NR2C2: variants seen among roughly 807,000 people sequenced by gnomAD.
NR2C2 encodes nuclear receptor subfamily 2 group C member 2.
In NR2C2, 6 loss-of-function variants were observed where a neutral mutation model predicts 62.9. That is an observed-to-expected ratio of 0.10 (90% confidence interval 0.05 to 0.19). NR2C2 has a LOEUF of 0.19. Ranked by LOEUF, NR2C2 falls within the 10% of genes least tolerant of loss-of-function variation. NR2C2 has a pLI of 1.00. For synonymous variants in NR2C2, 272 were observed against 273.8 expected (o/e 0.99, Z 0.07); for missense variants, 479 against 762.7 (o/e 0.63, Z 4.38).
chr3:15,021,002 G>C, intron 5 of NR2C2, 70 bp downstream of exon 5: 1 of 1,445,366 alleles, frequency 6.9e-7, no homozygotes, highest in African/African-American at 1.4e-5. Context: ...CATTAAATAA[G>C]GTTTCTATAC....
At chr3:15,018,858 TA>T (rs2041588228) in intron 4 of NR2C2, among the ~76,000 whole-genome samples, 1 of 151,628 alleles carries the variant, frequency 6.6e-6, no homozygotes. Flanking sequence ...CTACTAAAAA[TA>T]CAAAAATTAG....
intron 13 of NR2C2, among the ~76,000 whole-genome samples, chr3:15,040,116 C>T (rs71308119): frequency 0.16 from 23,519 of 151,536 alleles, 2,031 homozygotes; most frequent in Middle Eastern, 0.21. Flanking sequence ...GCTGAGATCA[C>T]GCCACTGCAC....
At chr3:15,022,390 TTTTC>T (rs1462289039) in intron 5 of NR2C2, among the ~76,000 whole-genome samples, 1 of 141,258 alleles carries the variant, frequency 7.1e-6, no homozygotes, top group Non-Finnish European at 1.5e-5. Flanking sequence ...TCTTTTTTCT[TTTTC>T]TTTCTTTTTT....
intron 1 of NR2C2, among the ~76,000 whole-genome samples, chr3:15,001,884 C>A (rs926623736): frequency 6.6e-6 from 1 of 152,118 alleles, no homozygotes; most frequent in Non-Finnish European, 1.5e-5. Context: ...TCCCAAAGTG[C>A]CAAGGTTACA....
chr3:15,034,222 C>A (rs1295307779), intron 10 of NR2C2: 1 of 153,030 alleles, frequency 6.5e-6, no homozygotes, highest in Admixed American at 6.5e-5. Context: ...CAGCACAAAG[C>A]CTGCCTCCTG....
At chr3:14,991,622 C>T (rs1362727135) in intron 1 of NR2C2, among the ~76,000 whole-genome samples, 1 of 152,060 alleles carries the variant, frequency 6.6e-6, no homozygotes, top group African/African-American at 2.4e-5. Context: ...ACTCTGTTAT[C>T]CTATTAGTAA....
chr3:15,028,730 A>G lies in NR2C2; in HGVS notation c.932+11A>G. The G allele has an allele frequency of 1.2e-6, 2 of 1,612,776 alleles. No individual in the cohort carries two copies. Among genetic ancestry groups the G allele is most frequent in the South Asian group, 1.1e-5 (1 of 90,998 alleles). On this transcript the variant is annotated intron_variant, in intron 8 of 13. Coordinates refer to ENST00000425241, the MANE Select transcript of NR2C2 (RefSeq NM_001291694.2). ...AAGTGAGATAACTCGGTACGAGCCC[A>G]TGAGGATGGAGTCTCCCCTCCTCGC...
chr3:15,023,995 C>A, intron 6 of NR2C2, 120 bp from the exon 7 acceptor site: 1 of 725,026 alleles, frequency 1.4e-6, no homozygotes, highest in Non-Finnish European at 2.4e-6. Context: ...GCTGAGTCTA[C>A]TTAGAGCTTT....
chr3:15,016,521 A>G (rs1315463031), intron 4 of NR2C2, among the ~76,000 whole-genome samples: 2 of 152,188 alleles, frequency 1.3e-5, no homozygotes, highest in Non-Finnish European at 2.9e-5. Flanking sequence ...CTGCTAAGAA[A>G]GTACTCATTG....
At chr3:14,979,322 A>G (rs2040296044) in intron 1 of NR2C2, among the ~76,000 whole-genome samples, 1 of 152,246 alleles carries the variant, frequency 6.6e-6, no homozygotes, top group Non-Finnish European at 1.5e-5. Context: ...ACTGCAAGGT[A>G]TTCCAGAAAT....
rs932377497 is a variant in NR2C2, at chr3:15,045,015, C to T, written c.*2007C>T. ...AATGATGGAAAGGATTTAATTTTGC[C>T]AGCTTAAAGTAATTTTTACTTTTCT... On this transcript the variant is annotated 3_prime_UTR_variant, in exon 14 of 14. Transcript: ENST00000425241. 1 of 152,142 alleles carries T rather than the reference C, an allele frequency of 6.6e-6. No individual in the cohort carries two copies. The highest frequency in any genetic ancestry group is 1.5e-5 in the Non-Finnish European group (1 of 68,038). The allele number at this position is 152,142 out of a possible 1,614,324, so 9.4% of individuals were successfully genotyped here.
chr3:14,960,907 A>C (rs534573412), intron 1 of NR2C2, among the ~76,000 whole-genome samples: 2 of 152,328 alleles, frequency 1.3e-5, no homozygotes, highest in East Asian at 1.9e-4. Context: ...CATCTCCATT[A>C]GTTGTAACCA....
At chr3:15,001,018 G>A (rs1269090741) in intron 1 of NR2C2, among the ~76,000 whole-genome samples, 1 of 151,870 alleles carries the variant, frequency 6.6e-6, no homozygotes, top group African/African-American at 2.4e-5. Flanking sequence ...GTTTCACTGT[G>A]TTAGCCAGGG....
intron 7 of NR2C2, chr3:15,025,653 T>G (rs1408573244): frequency 6.6e-6 from 1 of 152,244 alleles, no homozygotes; most frequent in Non-Finnish European, 1.5e-5. Flanking sequence ...TTAAAATAAT[T>G]TACTATGAAG....
At chr3:15,029,770 ATC>A (rs1278142998) in intron 8 of NR2C2, among the ~76,000 whole-genome samples, 3 of 151,156 alleles carry the variant, frequency 2.0e-5, no homozygotes, top group Non-Finnish European at 2.9e-5. Flanking sequence ...GCTGAGACCC[ATC>A]TCTGAAAAAG....
chr3:14,989,177 C>G (rs1236792033), intron 1 of NR2C2, among the ~76,000 whole-genome samples: 1 of 152,188 alleles, frequency 6.6e-6, no homozygotes, highest in African/African-American at 2.4e-5. Context: ...TAGTTTCAGC[C>G]TCACCACTAA....
chr3:15,005,372 T>C (rs1574992361), intron 2 of NR2C2, among the ~76,000 whole-genome samples: 1 of 108,340 alleles, frequency 9.2e-6, no homozygotes, highest in East Asian at 2.5e-4. Flanking sequence ...ATAATGCTTT[T>C]TTTTTTTTTT....
chr3:14,975,753 A>C (rs954593923), intron 1 of NR2C2, among the ~76,000 whole-genome samples: 5 of 152,114 alleles, frequency 3.3e-5, no homozygotes, highest in African/African-American at 1.2e-4. Context: ...CCACCTCTTC[A>C]GTGTTTCTAG....
chr3:14,991,834 G>C (rs2040681756), intron 1 of NR2C2, among the ~76,000 whole-genome samples: 1 of 142,916 alleles, frequency 7.0e-6, no homozygotes, highest in Admixed American at 7.6e-5. Context: ...TGCCATCATA[G>C]CTTACTGTCA....
Sources: gnomAD v4.1 joint callset for allele counts (sites outside exome capture counted in the v4.1 genomes callset) on GRCh38, gnomAD v4.1.1 for gene constraint, MANE v1.5 for transcripts, NCBI Gene and HGNC (gene_info 2026-07-23, HGNC 2026-07-21) for gene names.